Variants in EPCAM observed in about 807,000 individuals in gnomAD.
The protein encoded by EPCAM is adenocarcinoma-associated antigen.
Under a neutral mutation model 40.0 loss-of-function variants are expected in EPCAM, and 39 were observed. The ratio of observed to expected loss-of-function variants is 0.98; its 90% CI spans 0.76 to 1.27. The LOEUF (loss-of-function observed/expected upper bound fraction) is 1.27. Ranked by LOEUF, EPCAM falls within the 50% of genes most tolerant of loss-of-function variation. The probability of loss-of-function intolerance (pLI) is 0.00; values close to 1 mark genes in which losing one functional copy is unlikely to be tolerated. For synonymous variants in EPCAM, 168 were observed against 132.3 expected (o/e 1.27, Z -1.85); for missense variants, 503 against 381.2 (o/e 1.32, Z -2.66).
chr2:47,380,002 G>A (rs369828181), intron 7 of EPCAM, 33 bp downstream of exon 7: 7 of 1,578,208 alleles, frequency 4.4e-6, no homozygotes, highest in Non-Finnish European at 6.0e-6. Flanking sequence ...TTCATTTAAG[G>A]GTATATTTTT....
At chr2:47,374,091 A>G in intron 3 of EPCAM, 43 bp downstream of exon 3, 2 of 1,605,894 alleles carry the variant, frequency 1.2e-6, no homozygotes, top group Admixed American at 1.7e-5. Context: ...TGCTGTTCAG[A>G]TTCATTTAAT....
At chr2:47,374,115 G>T (rs2103748337) in intron 3 of EPCAM, 67 bp downstream of exon 3, 1 of 1,553,786 alleles carries the variant, frequency 6.4e-7, no homozygotes, top group South Asian at 1.1e-5. Flanking sequence ...ATTTATTTTT[G>T]ATTATGTAAT....
intron 7 of EPCAM, chr2:47,383,450 G>A (rs999264486): frequency 1.3e-5 from 2 of 149,970 alleles, no homozygotes; most frequent in African/African-American, 4.9e-5. Context: ...ACTACATGCA[G>A]AAGCCACCAT....
In EPCAM at chr2:47,386,827, T is replaced by C. The variant is rs1671754044; in HGVS notation, c.*214T>C. The C allele has an allele frequency of 2.4e-6, 1 of 416,254 alleles. No individual in the cohort carries two copies. The highest frequency in any genetic ancestry group is 4.3e-6 in the Non-Finnish European group (1 of 232,532). 25.8% of individuals were successfully genotyped at this position (416,254 alleles called of 1,614,324 possible). A position where few individuals can be genotyped will look rare whatever the true frequency, so the allele number is the denominator to read the frequency against. ...ACCACAAGTGTCTTATATATGCAGA[T>C]CTAATGTAAAATCCAGAACTTGGAC... On this transcript the variant is annotated 3_prime_UTR_variant, in exon 9 of 9. Coordinates refer to ENST00000263735, the MANE Select transcript of EPCAM (RefSeq NM_002354.3).
chr2:47,379,679 T>A, intron 6 of EPCAM, 90 bp from the exon 7 acceptor site: 1 of 1,425,440 alleles, frequency 7.0e-7, no homozygotes. Context: ...TTGGCAGCGG[T>A]TCTTTTGGCA....
rs773336656 is a variant in EPCAM at position 47,369,486 on chromosome 2, C to G, written c.-20C>G. 6 of 1,522,516 alleles carry G rather than the reference C, an allele frequency of 3.9e-6. No individual in the cohort carries two copies. The South Asian group carries it at 4.9e-5, about 12-fold the overall frequency. The allele number at this position is 1,522,516 out of a possible 1,614,324, so 94.3% of individuals were successfully genotyped here. A position where few individuals can be genotyped will look rare whatever the true frequency, so the allele number is the denominator to read the frequency against. ...AGTCCCGGGCCCCTCCCGCGCCCCT[C>G]TTCTCGGCGCGCGCGCAGCATGGCG... On this transcript the variant is annotated 5_prime_UTR_variant, in exon 1 of 9. Coordinates refer to ENST00000263735, the MANE Select transcript of EPCAM (RefSeq NM_002354.3).
At chr2:47,373,715 A>G (rs1191889758) in intron 2 of EPCAM, 93 bp from the exon 3 acceptor site, 18 of 1,560,908 alleles carry the variant, frequency 1.2e-5, no homozygotes, top group Non-Finnish European at 1.5e-5. Context: ...ATTTCAAATA[A>G]TCTTTGACCC....
rs377697217 is a variant in EPCAM at position 47,376,349 on chromosome 2, C to T, written c.492-665C>T. On this transcript the variant is annotated intron_variant, in intron 4 of 8. Transcript: ENST00000263735. ...ACGGCTCACCGCAACCTCTGCTTCC[C>T]GGATTCAAGCGATTCTCCTGCCTCA... 4.6e-5 allele frequency among the ~76,000 whole-genome samples: 7 copies of T among 151,544 alleles called. No homozygotes were observed. The South Asian group carries it at 8.4e-4, about 18-fold the overall frequency.
At position 47,385,059 on chromosome 2, in the gene EPCAM, G is replaced by GT. The variant is rs962521506; in HGVS notation, c.859-99dup. Reference sequence around the variant, plus strand: ...TGTTTATGGATAGATGTTAAAATTAGTTTTTTTTCAGATCAAAATTATGTC... The same window carrying GT: ...TGTTTATGGATAGATGTTAAAATTAGTTTTTTTTTCAGATCAAAATTATGTC... On this transcript the variant is annotated intron_variant, in intron 7 of 8. Transcript: ENST00000263735. 108 of 901,508 alleles carry GT rather than the reference G, an allele frequency of 1.2e-4. 1 individual carries two copies. The highest frequency in any genetic ancestry group is 8.8e-4 in the Middle Eastern group (4 of 4,550). 55.8% of individuals were successfully genotyped at this position (901,508 alleles called of 1,614,324 possible). A position where few individuals can be genotyped will look rare whatever the true frequency, so the allele number is the denominator to read the frequency against.
intron 7 of EPCAM, among the ~76,000 whole-genome samples, chr2:47,380,952 G>A (rs1038749558): frequency 7.9e-5 from 12 of 151,756 alleles, no homozygotes; most frequent in African/African-American, 2.2e-4. Context: ...TTAGCTGGGC[G>A]TGGTGGCACA....
At chr2:47,381,413 GAAAT>G (rs1671585680) in intron 7 of EPCAM, among the ~76,000 whole-genome samples, 4 of 97,684 alleles carry the variant, frequency 4.1e-5, no homozygotes, top group Non-Finnish European at 4.0e-5. Context: ...AAAAAAAAAA[GAAAT>G]CTTACTAACA....
In EPCAM at chr2:47,373,225, A is replaced by C. The variant is rs1488506787; in HGVS notation, c.77-238A>C. Among the ~76,000 whole-genome samples, 13 of 150,574 alleles carry C rather than the reference A, an allele frequency of 8.6e-5. 1 individual carries two copies. Among genetic ancestry groups the C allele is most frequent in the African/African-American group, 2.9e-4 (12 of 41,102 alleles). On this transcript the variant is annotated intron_variant, in intron 1 of 8. Coordinates refer to ENST00000263735, the MANE Select transcript of EPCAM (RefSeq NM_002354.3). Reference sequence around the variant, plus strand: ...ATCTTTAAAAAAAAAAAAAAAAAAAAAAAAAAAAAACAGGAATGCATGCAG... The same window carrying C: ...ATCTTTAAAAAAAAAAAAAAAAAAACAAAAAAAAAACAGGAATGCATGCAG...
chr2:47,384,866 C>T (rs1671696430), intron 7 of EPCAM, among the ~76,000 whole-genome samples: 1 of 152,076 alleles, frequency 6.6e-6, no homozygotes. Context: ...GCCATGACAC[C>T]TGGCTAATTT....
chr2:47,380,378 AAAAT>A (rs1671555454), intron 7 of EPCAM, among the ~76,000 whole-genome samples: 1 of 152,216 alleles, frequency 6.6e-6, no homozygotes, highest in Admixed American at 6.5e-5. Context: ...TTCAGGGAAA[AAAAT>A]CTTCATTTTT....
rs753129258 is a variant in EPCAM, at chr2:47,373,910, A to T, written c.287A>T (p.Asp96Val). Residue 96 changes from aspartate to valine, a missense_variant, in exon 3 of 9, where the codon GAT becomes GTT. Asp to Val is a radical substitution (Grantham distance 152, BLOSUM62 -3). Transcript: ENST00000263735. The part of the protein sequence containing the change: ...GALQNNDGLY[D>V]PDCDESGLFK... ...CTCCAGAACAATGATGGGCTTTATG[A>T]TCCTGACTGCGATGAGAGCGGGCTC... 6.2e-7 allele frequency: 1 copy of T among 1,614,102 alleles called. No individual in the cohort carries two copies. Among genetic ancestry groups the T allele is most frequent in the South Asian group, 1.1e-5 (1 of 91,078 alleles).
intron 7 of EPCAM, among the ~76,000 whole-genome samples, chr2:47,381,727 A>T (rs1487919621): frequency 1.3e-5 from 2 of 152,218 alleles, no homozygotes; most frequent in Non-Finnish European, 2.9e-5. Context: ...GAAATTATGT[A>T]AGGCAAGAAA....
intron 1 of EPCAM, among the ~76,000 whole-genome samples, chr2:47,372,482 A>AG (rs1434079445): frequency 2.0e-5 from 3 of 151,912 alleles, no homozygotes; most frequent in African/African-American, 7.3e-5. Context: ...TACTAAAAAT[A>AG]GAAAAAAAAA....
chr2:47,381,499 T>G lies in EPCAM; in HGVS notation c.858+1530T>G, dbSNP rs568561521. ...TCCAGTTCAATCAACCATGTTTGGCTATCCATCTGGAACAAAATGAAAGTT... is the reference window on the plus strand; with the variant it reads ...TCCAGTTCAATCAACCATGTTTGGCGATCCATCTGGAACAAAATGAAAGTT... On this transcript the variant is annotated intron_variant, in intron 7 of 8. Coordinates refer to ENST00000263735, the MANE Select transcript of EPCAM (RefSeq NM_002354.3). Among the ~76,000 whole-genome samples, 683 of 152,184 alleles carry G rather than the reference T, an allele frequency of 4.5e-3. 5 individuals are homozygous for G. The highest frequency in any genetic ancestry group is 6.3e-3 in the Non-Finnish European group (427 of 68,018).
rs915113822 is a variant in EPCAM, at chr2:47,379,818, A to G, written c.707A>G (p.Asn236Ser). 6 of 1,613,924 alleles carry G rather than the reference A, an allele frequency of 3.7e-6. No individual in the cohort carries two copies. The highest frequency in any genetic ancestry group is 5.1e-6 in the Non-Finnish European group (6 of 1,180,012). Residue 236 changes from asparagine (N) to serine (S), a missense_variant, in exon 7 of 9, where the codon AAT becomes AGT. Physicochemically the swap from Asn to Ser is conservative, Grantham distance 46. Transcript: ENST00000263735. ...FHSKKMDLTV[N>S]GEQLDLDPGQ... is the part of the protein sequence containing the mutation. The stretch of plus-strand genomic sequence containing the variant: ...TCTAAGAAAATGGACCTGACAGTAA[A>G]TGGGGAACAACTGGATCTGGATCCT...
Sources: gnomAD v4.1 joint callset for allele counts (sites outside exome capture counted in the v4.1 genomes callset) on GRCh38, gnomAD v4.1.1 for gene constraint, MANE v1.5 for transcripts, NCBI Gene and HGNC (gene_info 2026-07-23, HGNC 2026-07-21) for gene names.